NFATC2: variants seen among roughly 807,000 people sequenced by gnomAD.
The protein encoded by NFATC2 is nuclear factor of activated T cells 2, also known as nuclear factor of activated T-cells, cytoplasmic 2.
A neutral mutation model predicts 87.3 loss-of-function variants in NFATC2; 22 were observed. The observed-to-expected ratio is 0.25, with a 90% CI of 0.18 to 0.36. The LOEUF is 0.36. Among genes scored for constraint, NFATC2 ranks in the 10% least tolerant of loss-of-function variants. The pLI, the probability that NFATC2 is intolerant of heterozygous loss-of-function variation, is 1.00. For missense variants in NFATC2, 1,149 were observed against 1,259.1 expected, an observed-to-expected ratio of 0.91 and a Z score of 1.32; for synonymous variants, 565 against 542.2, an observed-to-expected ratio of 1.04 and a Z score of -0.58.
chr20:51,515,335 C>A (rs779839814), intron 3 of NFATC2, among the ~76,000 whole-genome samples: 2 of 152,214 alleles, frequency 1.3e-5, no homozygotes, highest in Non-Finnish European at 2.9e-5. Context: ...GACCTCCCCA[C>A]CAAGCATCCA....
chr20:51,555,548 GC>G (rs1405119826), intron 1 of NFATC2, among the ~76,000 whole-genome samples: 2 of 151,508 alleles, frequency 1.3e-5, no homozygotes, highest in Admixed American at 6.6e-5. Context: ...AGCTGAGATT[GC>G]CGCCATTGCA....
chr20:51,562,752 G>A (rs929686601), upstream of NFATC2: 68 of 899,442 alleles, frequency 7.6e-5, 1 homozygote, highest in South Asian at 7.3e-4. This position sits in a 1 kb window ranked among gnomAD's most constrained non-coding sequence, Gnocchi z 5.8. Context: ...GAGGAGCCTC[G>A]GAGCGACCCG....
At chr20:51,540,669 T>TTTTTTTTTTTTTTTTTTTTA (rs1555818376) in intron 1 of NFATC2, among the ~76,000 whole-genome samples, 1 of 148,828 alleles carries the variant, frequency 6.7e-6, no homozygotes, top group African/African-American at 2.5e-5. Context: ...TTTTTTTTTT[T>TTTTTTTTTTTTTTTTTTTTA]TTGAGAAAAC....
intron 3 of NFATC2, among the ~76,000 whole-genome samples, chr20:51,512,060 G>T (rs533634082): frequency 6.6e-6 from 1 of 152,284 alleles, no homozygotes; most frequent in East Asian, 1.9e-4. Context: ...TCTGTGTGTA[G>T]AACACTCTCC....
In NFATC2 at chr20:51,562,093, G is replaced by A. The variant is rs1360819484; in HGVS notation, c.70+467C>T. On this transcript the variant is annotated intron_variant, in intron 1 of 10. Transcript: ENST00000414705. The surrounding 1 kb of genome is among the most constrained non-coding windows in gnomAD (Gnocchi z 5.8). ...GCATCCGCTGCTGCTGTAACTGTTA[G>A]AAAGCAAAGTCTTCCTTACTATACT... 6.6e-6 allele frequency among the ~76,000 whole-genome samples: 1 copy of A among 152,198 alleles called. No homozygotes were observed. The highest frequency in any genetic ancestry group is 1.9e-4 in the East Asian group (1 of 5,192).
At position 51,505,610 on chromosome 20, in the gene NFATC2, C is replaced by T. The variant is rs74881587; in HGVS notation, c.1332+11174G>A. Among the ~76,000 whole-genome samples the T allele has an allele frequency of 5.9e-3, 898 of 152,202 alleles. 11 individuals carry two copies. Among genetic ancestry groups the T allele is most frequent in the African/African-American group, 0.021 (859 of 41,520 alleles). ...TAAGCTGTGGACTTGAGAACCACAC[C>T]GTGCAATGGAAATGGCTTGGCCAAA... On this transcript the variant is annotated intron_variant, in intron 3 of 10. Transcript: ENST00000371564.
intron 10 of NFATC2, among the ~76,000 whole-genome samples, chr20:51,396,981 C>T (rs935165770): frequency 3.3e-5 from 5 of 152,074 alleles, no homozygotes; most frequent in East Asian, 3.9e-4. Context: ...GGCGCCATCT[C>T]GGCTCATCTC....
intron 9 of NFATC2, among the ~76,000 whole-genome samples, chr20:51,410,625 A>T (rs998898903): frequency 6.6e-6 from 1 of 152,006 alleles, no homozygotes; most frequent in Admixed American, 6.6e-5. Context: ...AGAGGGAAGG[A>T]AGGCAGTGGG....
chr20:51,447,637 C>T (rs190562321), intron 6 of NFATC2, among the ~76,000 whole-genome samples: 2 of 152,326 alleles, frequency 1.3e-5, no homozygotes, highest in Admixed American at 1.3e-4. Flanking sequence ...CTGGGACCCC[C>T]GACTCCGCCT....
intron 3 of NFATC2, among the ~76,000 whole-genome samples, chr20:51,511,495 A>G (rs1014937384): frequency 6.6e-6 from 1 of 152,308 alleles, no homozygotes; most frequent in East Asian, 1.9e-4. Context: ...TTTACTTGAC[A>G]TCTTTGCTCG....
In NFATC2 at chr20:51,524,003, C is replaced by A. The variant is rs1405483876; in HGVS notation, c.238G>T (p.Gly80Cys). The change falls in exon 2 of 11, where the codon GGC becomes TGC. Residue 80 changes from glycine (G) to cysteine (C), a missense_variant. Gly to Cys is a radical substitution (Grantham distance 159). Around this residue, in one of 3 missense-constraint regions of NFATC2, gnomAD observed 563 missense variants for 585.2 expected, o/e 0.96. Transcript: ENST00000371564. This position sits in a 1 kb window ranked among gnomAD's most constrained non-coding sequence, Gnocchi z 4.0. ...TCTCCGAATCGGCCGGGGGGCTCGC[C>A]AGAGAGACTAGCAAGGGGGCTGTAT... Reference protein sequence around the residue: ...KPYSPLASLSGEPPGRFGEPD... With the variant: ...KPYSPLASLSCEPPGRFGEPD... 4 of 1,565,990 alleles carry A rather than the reference C, an allele frequency of 2.6e-6. No homozygotes were observed. In the African/African-American group the frequency reaches 5.6e-5, roughly 22 times the overall value.
chr20:51,506,076 G>A, intron 3 of NFATC2, among the ~76,000 whole-genome samples: 1 of 152,202 alleles, frequency 6.6e-6, no homozygotes, highest in East Asian at 1.9e-4. Context: ...CTCCTGAAGA[G>A]CAATGCAACC....
intron 1 of NFATC2, among the ~76,000 whole-genome samples, chr20:51,559,907 G>C (rs2077007600): frequency 6.6e-6 from 1 of 152,214 alleles, no homozygotes; most frequent in South Asian, 2.1e-4. Flanking sequence ...ATCCGATGAA[G>C]TTGATACTAT....
Position 51,562,480 on chromosome 20 carries a change from G to C in NFATC2, c.70+80C>G, listed in dbSNP as rs1238652360. The C allele has an allele frequency of 2.4e-5, 31 of 1,293,226 alleles. No homozygotes were observed. Among genetic ancestry groups the C allele is most frequent in the Non-Finnish European group, 2.2e-6 (2 of 922,734 alleles). 80.1% of individuals were successfully genotyped at this position (1,293,226 alleles called of 1,614,324 possible). ...CACCGACCTCTGCCGGGAGCTGAAA[G>C]TGCTGCCCGGGACGGGAGCAGCAGG... On this transcript the variant is annotated intron_variant, in intron 1 of 10. Transcript: ENST00000414705. The surrounding 1 kb of genome is among the most constrained non-coding windows in gnomAD (Gnocchi z 5.8).
chr20:51,449,651 T>C (rs1305701288), intron 6 of NFATC2, among the ~76,000 whole-genome samples: 1 of 152,204 alleles, frequency 6.6e-6, no homozygotes, highest in Non-Finnish European at 1.5e-5. Flanking sequence ...CTAAGCTTTT[T>C]AAGCATAGAA....
chr20:51,433,522 A>G (rs932751461), intron 8 of NFATC2, among the ~76,000 whole-genome samples: 4 of 152,082 alleles, frequency 2.6e-5, no homozygotes, highest in Admixed American at 6.6e-5. Flanking sequence ...TGTCACTGCT[A>G]TTCTCTTACT....
At chr20:51,513,664 A>C (rs2076306677) in intron 3 of NFATC2, among the ~76,000 whole-genome samples, 1 of 152,188 alleles carries the variant, frequency 6.6e-6, no homozygotes, top group Admixed American at 6.5e-5. Flanking sequence ...TGAATGGGTG[A>C]GCTGAGCCTC....
chr20:51,457,587 C>CT (rs879432451), intron 5 of NFATC2, among the ~76,000 whole-genome samples: 4,327 of 108,592 alleles, frequency 0.04, 218 homozygotes, highest in African/African-American at 0.12. Flanking sequence ...TGAAGGAAAA[C>CT]TTTTTTTTTT....
At position 51,523,130 on chromosome 20, in the gene NFATC2, C is replaced by A; in HGVS notation, c.1111G>T (p.Val371Phe). ...AGCGGCTTGGGCCAAGTGGGCGGAA[C>A]CAGCAGGATGGATTCTGGAGCCGAG... The part of the protein sequence containing the change: ...RNSAPESILL[V>F]PPTWPKPLVP... The change falls in exon 2 of 11, where the codon GTT becomes TTT. Residue 371 changes from valine to phenylalanine, a missense_variant. This residue lies in a region of NFATC2 where 563 missense variants were observed against 585.2 expected (regional missense o/e 0.96). Coordinates refer to ENST00000371564, the MANE Select transcript of NFATC2 (RefSeq NM_012340.5). The surrounding 1 kb of genome is among the most constrained non-coding windows in gnomAD (Gnocchi z 6.9). The A allele has an allele frequency of 1.2e-6, 2 of 1,614,248 alleles. No homozygotes were observed. The highest frequency in any genetic ancestry group is 1.7e-6 in the Non-Finnish European group (2 of 1,180,056).
Sources: gnomAD v4.1 joint callset for allele counts (sites outside exome capture counted in the v4.1 genomes callset) on GRCh38, gnomAD v4.1.1 for gene constraint, gnomAD v4.1.1 regional missense constraint, Gnocchi (gnomAD v3.1) non-coding constraint, MANE v1.5 for transcripts, NCBI Gene and HGNC (gene_info 2026-07-23, HGNC 2026-07-21) for gene names.